Variants in ARID5B observed in about 807,000 individuals in gnomAD.
ARID5B encodes the protein AT-rich interaction domain 5B, also known as AT-rich interactive domain-containing protein 5B.
Under a neutral mutation model 97.2 loss-of-function variants are expected in ARID5B, and 13 were observed. That is an observed-to-expected ratio of 0.13 (90% CI 0.09 to 0.21). The LOEUF is 0.21. ARID5B is among the 10% of genes least tolerant of loss of function. ARID5B has a pLI of 1.00. For missense variants in ARID5B, 1,210 were observed against 1,465.3 expected, an observed-to-expected ratio of 0.83 and a Z score of 2.84; for synonymous variants, 556 against 570.3, an observed-to-expected ratio of 0.97 and a Z score of 0.36.
intron 7 of ARID5B, among the ~76,000 whole-genome samples, chr10:62,065,814 C>T: frequency 7.0e-6 from 1 of 142,830 alleles, no homozygotes. Context: ...CCACTGCACT[C>T]CAGCCTGGGC....
intron 3 of ARID5B, among the ~76,000 whole-genome samples, chr10:61,998,534 G>T (rs1052716241): frequency 6.6e-6 from 1 of 152,214 alleles, no homozygotes; most frequent in African/African-American, 2.4e-5. Context: ...TCAAGCTTAA[G>T]ATGAAGGAAG....
intron 4 of ARID5B, among the ~76,000 whole-genome samples, chr10:62,023,883 A>T (rs913701210): frequency 2.0e-5 from 3 of 152,236 alleles, no homozygotes; most frequent in African/African-American, 7.2e-5. Flanking sequence ...AGTAGTCGTT[A>T]TGATCAGGGT....
rs1251156741 is a variant in ARID5B at position 61,940,366 on chromosome 10, G to A, written c.460G>A (p.Gly154Arg). 6.2e-7 allele frequency: 1 copy of A among 1,614,006 alleles called. No individual in the cohort carries two copies. Among genetic ancestry groups the A allele is most frequent in the East Asian group, 2.2e-5 (1 of 44,864 alleles). ...LKYRQSTLNS[G>R]LNFKDVLKEK... ...GTACAGGCAGTCAACCCTAAACAGT[G>A]GACTCAACTTCAAAGACGTTCTCAA... is the stretch of plus-strand genomic sequence containing the variant. The change falls in exon 3 of 10, where the codon GGA (glycine) becomes AGA (arginine). Residue 154 changes from glycine (G) to arginine (R), a missense_variant. Gly to Arg is a moderately radical substitution (Grantham distance 125). This residue lies in a region of ARID5B where 82 missense variants were observed against 79.3 expected (regional missense o/e 1.03). Coordinates refer to ENST00000279873, the MANE Select transcript of ARID5B (RefSeq NM_032199.3).
chr10:61,952,768 A>G (rs937950436), intron 3 of ARID5B, among the ~76,000 whole-genome samples: 1 of 152,182 alleles, frequency 6.6e-6, no homozygotes, highest in African/African-American at 2.4e-5. Context: ...CACTCATTCT[A>G]GAAAACACAT....
rs747085426 is a variant in ARID5B at position 62,091,944 on chromosome 10, C to G, written c.2481C>G (p.Phe827Leu). ...TCCCCCATTCCCACATGCCTAGCTT[C>G]CTGGCTGACTTCTACTCGTCCCCTC... ...RALPHSHMPS[F>L]LADFYSSPHL... The change falls in exon 10 of 10, where the codon TTC becomes TTG. Residue 827 changes from phenylalanine to leucine, a missense_variant. Coordinates refer to ENST00000279873, the MANE Select transcript of ARID5B (RefSeq NM_032199.3). 1 of 1,613,570 alleles carries G rather than the reference C, an allele frequency of 6.2e-7. No homozygotes were observed. The highest frequency in any genetic ancestry group is 2.2e-5 in the East Asian group (1 of 44,874).
intron 3 of ARID5B, among the ~76,000 whole-genome samples, chr10:61,991,884 T>A (rs1056988943): frequency 2.0e-5 from 3 of 152,024 alleles, no homozygotes; most frequent in Non-Finnish European, 4.4e-5. Context: ...ACAAAAAAAT[T>A]AGCTGGGTGT....
At chr10:62,031,220 C>T (rs1197350148) in intron 4 of ARID5B, among the ~76,000 whole-genome samples, 1 of 152,118 alleles carries the variant, frequency 6.6e-6, no homozygotes, top group East Asian at 1.9e-4. Context: ...CATGACAGAG[C>T]GAGACTCCGT....
intron 4 of ARID5B, among the ~76,000 whole-genome samples, chr10:62,038,043 TA>T (rs1038095737): frequency 2.6e-5 from 4 of 152,206 alleles, no homozygotes; most frequent in Non-Finnish European, 5.9e-5. Flanking sequence ...TAGTAAGATT[TA>T]AAAAAGTAGT....
chr10:62,000,413 C>T lies in ARID5B; in HGVS notation c.733+92C>T. The T allele has an allele frequency of 8.2e-7, 1 of 1,212,574 alleles. No individual in the cohort carries two copies. The allele number at this position is 1,212,574 out of a possible 1,614,324, so 75.1% of individuals were successfully genotyped here. A position where few individuals can be genotyped will look rare whatever the true frequency, so the allele number is the denominator to read the frequency against. On this transcript the variant is annotated intron_variant, in intron 4 of 9. Coordinates refer to ENST00000279873, the MANE Select transcript of ARID5B (RefSeq NM_032199.3). This position sits in a 1 kb window ranked among gnomAD's most constrained non-coding sequence, Gnocchi z 4.4. ...TGAAGAGCGGTGATGGGGAACGGGG[C>T]TCACTTTCACAAGCCCCATGTGCTG... is the stretch of plus-strand genomic sequence containing the variant.
intron 3 of ARID5B, among the ~76,000 whole-genome samples, chr10:61,988,936 C>CTTTTT (rs61016394): frequency 8.2e-6 from 1 of 122,260 alleles, no homozygotes; most frequent in African/African-American, 3.1e-5. Flanking sequence ...TTTTCTTTTA[C>CTTTTT]TTTTTTTTTT....
chr10:62,000,353 C>G lies in ARID5B; in HGVS notation c.733+32C>G, dbSNP rs923369294. 2 of 1,530,252 alleles carry G rather than the reference C, an allele frequency of 1.3e-6. No homozygotes were observed. Among genetic ancestry groups the G allele is most frequent in the African/African-American group, 2.8e-5 (2 of 71,748 alleles). 94.8% of individuals were successfully genotyped at this position (1,530,252 alleles called of 1,614,324 possible). On this transcript the variant is annotated intron_variant, in intron 4 of 9. Coordinates refer to ENST00000279873, the MANE Select transcript of ARID5B (RefSeq NM_032199.3). The surrounding 1 kb of genome is among the most constrained non-coding windows in gnomAD (Gnocchi z 4.4). ...CTTTTTTTTTTTTTCCTACCTGATT[C>G]TTGTGCGTGTGTGCCTAGTTGTTTT...
At chr10:61,993,120 TACACACACACACAC>T (rs35119824) in intron 3 of ARID5B, among the ~76,000 whole-genome samples, 3 of 148,038 alleles carry the variant, frequency 2.0e-5, no homozygotes, top group Admixed American at 6.7e-5. Flanking sequence ...GGAAGGGAGA[TACACACACACACAC>T]ACACACACAC....
At chr10:62,062,986 T>G (rs1839941689) in intron 7 of ARID5B, among the ~76,000 whole-genome samples, 1 of 152,158 alleles carries the variant, frequency 6.6e-6, no homozygotes, top group Non-Finnish European at 1.5e-5. Context: ...AAATGATTAT[T>G]CTTTGTGGCT....
chr10:61,950,007 T>C (rs992882905), intron 3 of ARID5B, among the ~76,000 whole-genome samples: 8 of 152,024 alleles, frequency 5.3e-5, no homozygotes, highest in African/African-American at 1.7e-4. Flanking sequence ...TGATCCACCA[T>C]GTTTTGTTCT....
At chr10:62,026,703 G>A (rs1589263619) in intron 4 of ARID5B, among the ~76,000 whole-genome samples, 1 of 152,232 alleles carries the variant, frequency 6.6e-6, no homozygotes, top group Non-Finnish European at 1.5e-5. Flanking sequence ...TTGAGTCAGG[G>A]CTTAAAAATG....
chr10:62,069,474 A>T (rs187995297), intron 7 of ARID5B, among the ~76,000 whole-genome samples: 7 of 152,366 alleles, frequency 4.6e-5, no homozygotes, highest in Admixed American at 3.9e-4. Context: ...ACTTAGGATG[A>T]CAAAATACAC....
chr10:62,075,837 G>C (rs1016246119), intron 8 of ARID5B, among the ~76,000 whole-genome samples: 3 of 152,240 alleles, frequency 2.0e-5, no homozygotes, highest in African/African-American at 7.2e-5. Flanking sequence ...GAATGGGCAA[G>C]AAGCCCTCTC....
intron 4 of ARID5B, among the ~76,000 whole-genome samples, chr10:62,033,153 G>T (rs991173866): frequency 6.6e-6 from 1 of 152,188 alleles, no homozygotes; most frequent in African/African-American, 2.4e-5. Flanking sequence ...TCTAGATACA[G>T]GGGATTCCAA....
intron 4 of ARID5B, among the ~76,000 whole-genome samples, chr10:62,023,992 G>T (rs942291289): frequency 1.5e-4 from 23 of 152,288 alleles, no homozygotes; most frequent in African/African-American, 5.1e-4. Flanking sequence ...TTAAGTGCCT[G>T]CCCCCTCTGC....
Sources: gnomAD v4.1 joint callset for allele counts (sites outside exome capture counted in the v4.1 genomes callset) on GRCh38, gnomAD v4.1.1 for gene constraint, gnomAD v4.1.1 regional missense constraint, Gnocchi (gnomAD v3.1) non-coding constraint, MANE v1.5 for transcripts, NCBI Gene and HGNC (gene_info 2026-07-23, HGNC 2026-07-21) for gene names.